Variants in RUNDC3B observed in about 807,000 individuals in gnomAD.
RUNDC3B encodes RUN domain-containing protein 3B.
RUNDC3B carries 33 observed loss-of-function variants against 58.4 expected under a neutral mutation model. That is an observed-to-expected ratio of 0.56 (90% CI 0.43 to 0.75). The LOEUF is 0.75. Ranked by LOEUF, RUNDC3B falls within the 30% of genes least tolerant of loss-of-function variation. RUNDC3B has a pLI of 0.00. For missense variants in RUNDC3B, 501 were observed against 535.7 expected (o/e 0.94, Z 0.64); for synonymous variants, 193 against 195.2 (o/e 0.99, Z 0.10).
chr7:87,679,564 A>AT (rs908525521), intron 2 of RUNDC3B, among the ~76,000 whole-genome samples: 2 of 149,704 alleles, frequency 1.3e-5, no homozygotes, highest in African/African-American at 5.0e-5. Context: ...TAATTTTTTG[A>AT]TTTTTTATAG....
At chr7:87,768,694 C>T (rs1431786744) in intron 6 of RUNDC3B, among the ~76,000 whole-genome samples, 2 of 152,198 alleles carry the variant, frequency 1.3e-5, no homozygotes, top group Admixed American at 1.3e-4. Flanking sequence ...TTCTATGGGA[C>T]TCCAAGTTCC....
intron 3 of RUNDC3B, among the ~76,000 whole-genome samples, chr7:87,701,970 C>T (rs1385403759): frequency 6.6e-6 from 1 of 151,424 alleles, no homozygotes; most frequent in Non-Finnish European, 1.5e-5. Flanking sequence ...GGTGAAACCC[C>T]GTCTCTACTG....
chr7:87,826,700 A>G (rs1837833204), intron 10 of RUNDC3B, among the ~76,000 whole-genome samples: 1 of 152,202 alleles, frequency 6.6e-6, no homozygotes, highest in African/African-American at 2.4e-5. Context: ...TCATTCAAGA[A>G]CAACGTTTGG....
At chr7:87,720,890 G>A (rs1052017004) in intron 4 of RUNDC3B, among the ~76,000 whole-genome samples, 148 of 2,990 alleles carry the variant, frequency 0.049, 1 homozygote, top group Non-Finnish European at 0.057. Flanking sequence ...GTGAGCCCTC[G>A]TGTTTGGACA....
intron 10 of RUNDC3B, among the ~76,000 whole-genome samples, chr7:87,827,114 A>C (rs1837858161): frequency 6.6e-6 from 1 of 152,258 alleles, no homozygotes; most frequent in Non-Finnish European, 1.5e-5. Flanking sequence ...AACTATATAC[A>C]TAAAATTACA....
At chr7:87,826,063 G>A (rs1475664034) in intron 10 of RUNDC3B, among the ~76,000 whole-genome samples, 1 of 152,070 alleles carries the variant, frequency 6.6e-6, no homozygotes, top group African/African-American at 2.4e-5. Context: ...AGGGACTGTT[G>A]GGAAGGCATG....
intron 6 of RUNDC3B, among the ~76,000 whole-genome samples, chr7:87,759,978 A>G (rs1309890849): frequency 6.6e-6 from 1 of 152,028 alleles, no homozygotes; most frequent in East Asian, 1.9e-4. Context: ...TTTTACATCA[A>G]AGCTCTGAAA....
At chr7:87,748,389 CCT>C (rs963394640) in intron 6 of RUNDC3B, among the ~76,000 whole-genome samples, 3 of 152,164 alleles carry the variant, frequency 2.0e-5, no homozygotes, top group African/African-American at 7.2e-5. Context: ...GTCTGTGGGT[CCT>C]CTCGGGATTG....
chr7:87,746,769 T>G (rs1832666353), intron 6 of RUNDC3B, among the ~76,000 whole-genome samples: 1 of 152,202 alleles, frequency 6.6e-6, no homozygotes, highest in Non-Finnish European at 1.5e-5. Flanking sequence ...CATTGTGCAG[T>G]TCTGTATCAT....
chr7:87,748,210 C>T (rs1832759884), intron 6 of RUNDC3B, among the ~76,000 whole-genome samples: 1 of 152,174 alleles, frequency 6.6e-6, no homozygotes, highest in Admixed American at 6.5e-5. Context: ...GACTCAGCTC[C>T]TGGTAGAGTC....
intron 10 of RUNDC3B, 63 bp downstream of exon 10, chr7:87,816,325 A>G: frequency 7.6e-7 from 1 of 1,308,562 alleles, no homozygotes; most frequent in Non-Finnish European, 1.1e-6. Context: ...TTTTGGTTGC[A>G]GATGATTGCC....
chr7:87,631,380 T>C (rs952948816), intron 1 of RUNDC3B, among the ~76,000 whole-genome samples: 2 of 152,216 alleles, frequency 1.3e-5, no homozygotes, highest in Non-Finnish European at 2.9e-5. Context: ...TTATGAATTC[T>C]TTTTTTAATT....
intron 2 of RUNDC3B, among the ~76,000 whole-genome samples, chr7:87,657,131 G>T (rs554435586): frequency 6.6e-6 from 1 of 152,108 alleles, no homozygotes; most frequent in Non-Finnish European, 1.5e-5. Flanking sequence ...AGAAGACTCT[G>T]AAAGGTAGCG....
At chr7:87,819,667 C>G (rs1315788335) in intron 10 of RUNDC3B, among the ~76,000 whole-genome samples, 1 of 152,158 alleles carries the variant, frequency 6.6e-6, no homozygotes, top group Non-Finnish European at 1.5e-5. Flanking sequence ...TGTAAAAGAA[C>G]AGAAACTACA....
chr7:87,753,319 G>T (rs1833140086), intron 6 of RUNDC3B, among the ~76,000 whole-genome samples: 1 of 151,978 alleles, frequency 6.6e-6, no homozygotes, highest in Non-Finnish European at 1.5e-5. Context: ...TGGAATAGGT[G>T]TGGTATGGTG....
chr7:87,628,571 T>C lies in RUNDC3B; in HGVS notation c.-253T>C. On this transcript the variant is annotated 5_prime_UTR_variant, in exon 1 of 11. Transcript: ENST00000394654. Reference sequence around the variant, plus strand: ...GTCGGCGGCGCGCCGAGGGCGGAGGTGGTGCGTGCGTGCGTGTGTGTGTGT... The same window carrying C: ...GTCGGCGGCGCGCCGAGGGCGGAGGCGGTGCGTGCGTGCGTGTGTGTGTGT... 3.2e-6 allele frequency: 1 copy of C among 315,782 alleles called. No individual in the cohort carries two copies. Among genetic ancestry groups the C allele is most frequent in the Middle Eastern group, 8.0e-4 (1 of 1,248 alleles). 19.6% of individuals were successfully genotyped at this position (315,782 alleles called of 1,614,324 possible).
chr7:87,749,276 C>T (rs1031144989), intron 6 of RUNDC3B, among the ~76,000 whole-genome samples: 2 of 152,050 alleles, frequency 1.3e-5, no homozygotes, highest in Middle Eastern at 3.2e-3. Flanking sequence ...TTGAAAGGTA[C>T]AATAATGGAA....
At chr7:87,697,773 G>A (rs896388234) in intron 2 of RUNDC3B, among the ~76,000 whole-genome samples, 1 of 152,196 alleles carries the variant, frequency 6.6e-6, no homozygotes, top group Admixed American at 6.5e-5. Flanking sequence ...AGGTACTATC[G>A]TTATTTTCAA....
intron 2 of RUNDC3B, among the ~76,000 whole-genome samples, chr7:87,696,014 T>C (rs1037015581): frequency 3.3e-5 from 5 of 152,174 alleles, no homozygotes; most frequent in African/African-American, 4.8e-5. Flanking sequence ...TAGCAAACTT[T>C]TCACCATTTG....
Sources: gnomAD v4.1 joint callset for allele counts (sites outside exome capture counted in the v4.1 genomes callset) on GRCh38, gnomAD v4.1.1 for gene constraint, MANE v1.5 for transcripts, NCBI Gene and HGNC (gene_info 2026-07-23, HGNC 2026-07-21) for gene names.